IFFO2: variants seen among roughly 807,000 people sequenced by gnomAD.
IFFO2 encodes intermediate filament family orphan 2.
Under a neutral mutation model 53.5 loss-of-function variants are expected in IFFO2, and 19 were observed. That is an observed-to-expected ratio of 0.36 (90% CI 0.25 to 0.52). The LOEUF (loss-of-function observed/expected upper bound fraction) is 0.52, where lower values mean the gene tolerates loss of function less well. Ranked by LOEUF, IFFO2 falls within the 20% of genes least tolerant of loss-of-function variation. IFFO2 has a pLI of 0.94. For synonymous variants in IFFO2, 303 were observed against 313.6 expected (o/e 0.97, Z 0.36); for missense variants, 570 against 727.4 (o/e 0.78, Z 2.49).
intron 1 of IFFO2, among the ~76,000 whole-genome samples, chr1:18,924,654 T>C (rs1270069393): frequency 6.6e-6 from 1 of 152,188 alleles, no homozygotes; most frequent in Non-Finnish European, 1.5e-5. Flanking sequence ...GACAGAATCC[T>C]ACGCCCGGGC....
intron 1 of IFFO2, among the ~76,000 whole-genome samples, chr1:18,939,830 T>C (rs1431128121): frequency 1.3e-5 from 2 of 152,024 alleles, no homozygotes; most frequent in Non-Finnish European, 2.9e-5. Context: ...CACTTCCCAA[T>C]GGAAAAGGCC....
chr1:18,915,967 A>T (rs949326302), intron 5 of IFFO2, among the ~76,000 whole-genome samples: 9 of 152,096 alleles, frequency 5.9e-5, no homozygotes, highest in Admixed American at 5.9e-4. Context: ...TCTACTAAAC[A>T]TGCAAAAATT....
At position 18,908,294 on chromosome 1, in the gene IFFO2, G is replaced by A. The variant is rs1170682139; in HGVS notation, c.*267C>T. On this transcript the variant is annotated 3_prime_UTR_variant, in exon 9 of 9. Transcript: ENST00000455833. ...AGGCACAGTTAACACTGCAAAGTCC[G>A]CACAGAAGTCTGCATTTGTAATGTG... The A allele has an allele frequency of 1.3e-4, 57 of 453,068 alleles. 2 individuals are homozygous for A. Among genetic ancestry groups the A allele is most frequent in the South Asian group, 7.7e-4 (36 of 46,604 alleles). 28.1% of individuals were successfully genotyped at this position (453,068 alleles called of 1,614,324 possible). A position where few individuals can be genotyped will look rare whatever the true frequency, so the allele number is the denominator to read the frequency against.
chr1:18,921,176 A>G, intron 1 of IFFO2, 55 bp from the exon 2 acceptor site: 1 of 1,480,414 alleles, frequency 6.8e-7, no homozygotes, highest in South Asian at 1.2e-5. Flanking sequence ...GTGCCAGTCC[A>G]GCCCTCAGAC....
At chr1:18,940,255 G>A (rs1054404728) in intron 1 of IFFO2, among the ~76,000 whole-genome samples, 3 of 152,226 alleles carry the variant, frequency 2.0e-5, no homozygotes, top group South Asian at 4.1e-4. Context: ...AGGAGTGAGA[G>A]CTGTCTGTTG....
Position 18,910,787 on chromosome 1 carries a change from C to T in IFFO2, c.1318-315G>A, listed in dbSNP as rs3748585. 9.5e-3 allele frequency among the ~76,000 whole-genome samples: 1,445 copies of T among 152,360 alleles called. 24 individuals carry two copies. The highest frequency in any genetic ancestry group is 0.064 in the East Asian group (331 of 5,184). On this transcript the variant is annotated intron_variant, in intron 7 of 8. Transcript: ENST00000455833. Reference sequence around the variant, plus strand: ...GGGTTCCTTTATCCAGACCTGATTACAAAAATCCTGAAGGCTTTTTCATGT... The same window carrying T: ...GGGTTCCTTTATCCAGACCTGATTATAAAAATCCTGAAGGCTTTTTCATGT...
intron 1 of IFFO2, among the ~76,000 whole-genome samples, chr1:18,922,126 T>C (rs1422246775): frequency 4.6e-5 from 7 of 152,146 alleles, no homozygotes; most frequent in Non-Finnish European, 7.4e-5. Flanking sequence ...AGTGTGGAAC[T>C]AGGACTGAAA....
chr1:18,953,780 A>T (rs771731325), intron 1 of IFFO2, among the ~76,000 whole-genome samples: 2 of 152,226 alleles, frequency 1.3e-5, no homozygotes, highest in Non-Finnish European at 2.9e-5. Context: ...AGAAGCTGAC[A>T]TCACACCCCA....
chr1:18,946,340 G>A (rs1936586781), intron 1 of IFFO2, among the ~76,000 whole-genome samples: 1 of 151,882 alleles, frequency 6.6e-6, no homozygotes, highest in Admixed American at 6.6e-5. Flanking sequence ...GGCCCTTTCT[G>A]GTACTACACA....
At chr1:18,935,362 C>T (rs1030488329) in intron 1 of IFFO2, among the ~76,000 whole-genome samples, 1 of 152,112 alleles carries the variant, frequency 6.6e-6, no homozygotes, top group Non-Finnish European at 1.5e-5. Context: ...GAGAACAAGG[C>T]CACGTGCTAG....
rs991673264 is a variant in IFFO2 at position 18,908,392 on chromosome 1, T to TGGAA, written c.*165_*168dup. On this transcript the variant is annotated 3_prime_UTR_variant, in exon 9 of 9. Coordinates refer to ENST00000455833, the MANE Select transcript of IFFO2 (RefSeq NM_001136265.2). ...GGAGACGGGGCACCCGTTGGTGGTGTGGAAGGAAGGAAGGAAGCAGCAGTC... is the reference window on the plus strand; with the variant it reads ...GGAGACGGGGCACCCGTTGGTGGTGTGGAAGGAAGGAAGGAAGGAAGCAGCAGTC... 28 of 588,728 alleles carry TGGAA rather than the reference T, an allele frequency of 4.8e-5. No individual in the cohort carries two copies. The highest frequency in any genetic ancestry group is 6.7e-5 in the Non-Finnish European group (22 of 327,160). The allele number at this position is 588,728 out of a possible 1,614,324, so 36.5% of individuals were successfully genotyped here. A position where few individuals can be genotyped will look rare whatever the true frequency, so the allele number is the denominator to read the frequency against.
Position 18,955,996 on chromosome 1 carries a change from A to G in IFFO2, c.337T>C (p.Leu113=), listed in dbSNP as rs1227203730. ...REQAVQTGPE[L]LRPPAPGGGH... ...CCGCCGGGCGCCGGGGGCCGCAGCA[A>G]CTCGGGCCCGGTCTGCACGGCCTGC... The change falls in exon 1 of 9, where the codon TTG becomes CTG. Residue 113 remains leucine, a synonymous_variant. Transcript: ENST00000455833. 2.2e-6 allele frequency: 3 copies of G among 1,367,394 alleles called. No homozygotes were observed. The highest frequency in any genetic ancestry group is 2.6e-5 in the Admixed American group (1 of 37,842). 84.7% of individuals were successfully genotyped at this position (1,367,394 alleles called of 1,614,324 possible).
chr1:18,946,868 G>A (rs1936595101), intron 1 of IFFO2, among the ~76,000 whole-genome samples: 1 of 152,192 alleles, frequency 6.6e-6, no homozygotes, highest in African/African-American at 2.4e-5. Context: ...CACTTTGAAT[G>A]AAGCCTGGCA....
intron 1 of IFFO2, among the ~76,000 whole-genome samples, chr1:18,946,575 C>T (rs541767049): frequency 1.6e-4 from 24 of 152,000 alleles, no homozygotes; most frequent in African/African-American, 4.8e-4. Context: ...CCACCATGCC[C>T]GGCTAATTTT....
chr1:18,949,967 C>T (rs1362445110), intron 1 of IFFO2, among the ~76,000 whole-genome samples: 2 of 152,236 alleles, frequency 1.3e-5, no homozygotes, highest in East Asian at 1.9e-4. Flanking sequence ...CATTCCCCTC[C>T]CTCTAGCTTG....
chr1:18,939,605 A>C (rs1190461437), intron 1 of IFFO2, among the ~76,000 whole-genome samples: 11 of 152,212 alleles, frequency 7.2e-5, no homozygotes, highest in Non-Finnish European at 1.3e-4. Flanking sequence ...TCTTTTCTGC[A>C]TGAAGATTGT....
At position 18,926,874 on chromosome 1, in the gene IFFO2, G is replaced by A. The variant is rs568154886; in HGVS notation, c.666-5753C>T. ...CACTTCCTGTGCAGTCAGAAAAAGA[G>A]GCTCGAGGCTCCCGCTCAGGAGGAA... On this transcript the variant is annotated intron_variant, in intron 1 of 8. Coordinates refer to ENST00000455833, the MANE Select transcript of IFFO2 (RefSeq NM_001136265.2). Among the ~76,000 whole-genome samples the A allele has an allele frequency of 3.9e-5, 6 of 152,290 alleles. No homozygotes were observed. The South Asian group carries it at 1.0e-3, about 26-fold the overall frequency.
chr1:18,943,437 G>A (rs749149256), intron 1 of IFFO2, among the ~76,000 whole-genome samples: 11 of 152,134 alleles, frequency 7.2e-5, no homozygotes, highest in African/African-American at 9.7e-5. Context: ...TATTTGTCAG[G>A]CCACATGCCC....
At chr1:18,909,023 T>C (rs6673711) in intron 8 of IFFO2, among the ~76,000 whole-genome samples, 37,005 of 151,426 alleles carry the variant, frequency 0.24, 4,699 homozygotes, top group African/African-American at 0.28. Flanking sequence ...ATGCGGGATA[T>C]GGTTAACATC....
Sources: allele counts gnomAD v4.1 joint callset (sites outside exome capture counted in the v4.1 genomes callset), GRCh38; gene constraint gnomAD v4.1.1; transcripts MANE v1.5; gene names NCBI Gene and HGNC (gene_info 2026-07-23, HGNC 2026-07-21).